CACNB2: variants seen among roughly 807,000 people sequenced by gnomAD.
CACNB2 encodes the protein calcium voltage-gated channel auxiliary subunit beta 2, also known as voltage-dependent L-type calcium channel subunit beta-2.
Under a neutral mutation model 73.3 loss-of-function variants are expected in CACNB2, and 42 were observed. The observed-to-expected ratio is 0.57, with a 90% confidence interval of 0.45 to 0.74. The LOEUF (loss-of-function observed/expected upper bound fraction) is 0.74, where lower values mean the gene tolerates loss of function less well. CACNB2 is among the 30% of genes least tolerant of loss of function. The pLI, the probability that CACNB2 is intolerant of heterozygous loss-of-function variation, is 0.00. For missense variants in CACNB2, 940 were observed against 853.0 expected, an observed-to-expected ratio of 1.10 and a Z score of -1.27; for synonymous variants, 348 against 310.3, an observed-to-expected ratio of 1.12 and a Z score of -1.28.
intron 2 of CACNB2, among the ~76,000 whole-genome samples, chr10:18,237,534 C>T (rs1388114889): frequency 6.6e-6 from 1 of 152,168 alleles, no homozygotes; most frequent in Non-Finnish European, 1.5e-5. Context: ...CATGGCCTTG[C>T]CAACACCTTG....
intron 5 of CACNB2, among the ~76,000 whole-genome samples, chr10:18,504,752 C>G (rs931535663): frequency 6.6e-6 from 1 of 152,148 alleles, no homozygotes; most frequent in Admixed American, 6.5e-5. Flanking sequence ...TCAAGCGATT[C>G]TCCTGCTTCA....
intron 2 of CACNB2, among the ~76,000 whole-genome samples, chr10:18,294,858 TC>T (rs2131796764): frequency 6.6e-6 from 1 of 152,336 alleles, no homozygotes; most frequent in South Asian, 2.1e-4. Context: ...TCCAAGACAG[TC>T]CTCAATTCCT....
At chr10:18,470,800 T>G (rs563994463) in intron 3 of CACNB2, among the ~76,000 whole-genome samples, 1 of 151,350 alleles carries the variant, frequency 6.6e-6, no homozygotes, top group Admixed American at 6.6e-5. Context: ...GTGTGGATGG[T>G]GGTGGTGTCA....
At chr10:18,514,746 C>A (rs1021718819) in intron 7 of CACNB2, among the ~76,000 whole-genome samples, 1 of 152,166 alleles carries the variant, frequency 6.6e-6, no homozygotes, top group East Asian at 1.9e-4. Flanking sequence ...TATCTACCAC[C>A]AAGGGAATTT....
chr10:18,344,329 C>T (rs2041358609), intron 2 of CACNB2, among the ~76,000 whole-genome samples: 1 of 151,182 alleles, frequency 6.6e-6, no homozygotes. Context: ...TGTGCAGTCG[C>T]AATAGAGATT....
intron 2 of CACNB2, among the ~76,000 whole-genome samples, chr10:18,390,169 G>A (rs12246139): frequency 0.013 from 1,957 of 149,356 alleles, 39 homozygotes; most frequent in African/African-American, 0.045. Context: ...TGATTGTTTC[G>A]CTGCTCAAGA....
At chr10:18,367,011 T>A (rs532409282) in intron 2 of CACNB2, among the ~76,000 whole-genome samples, 1 of 152,338 alleles carries the variant, frequency 6.6e-6, no homozygotes, top group African/African-American at 2.4e-5. Flanking sequence ...AAGGATTTCT[T>A]AGCGGACATG....
intron 2 of CACNB2, among the ~76,000 whole-genome samples, chr10:18,341,749 G>T (rs547513592): frequency 2.6e-5 from 4 of 152,106 alleles, no homozygotes; most frequent in African/African-American, 9.6e-5. Context: ...GTTTCTAATT[G>T]TTCCAACCTA....
At chr10:18,196,038 T>C (rs2034607964) in intron 2 of CACNB2, among the ~76,000 whole-genome samples, 1 of 152,212 alleles carries the variant, frequency 6.6e-6, no homozygotes, top group South Asian at 2.1e-4. Context: ...GCACTTACTA[T>C]GTCCCCAGGC....
chr10:18,497,862 G>C lies in CACNB2; in HGVS notation c.334-493G>C, dbSNP rs1006384523. On this transcript the variant is annotated intron_variant, in intron 3 of 13. Coordinates refer to ENST00000324631, the MANE Select transcript of CACNB2 (RefSeq NM_201596.3). The stretch of plus-strand genomic sequence containing the variant: ...CATAATTCGTTGCAGCCATGAATGA[G>C]AGTTGCTATAGTTGTAGCATATTTT... Among the ~76,000 whole-genome samples the C allele has an allele frequency of 2.6e-5, 4 of 152,184 alleles. No homozygotes were observed. In the East Asian group the frequency reaches 7.7e-4, roughly 29 times the overall value.
chr10:18,161,625 ATC>A (rs146929412), intron 2 of CACNB2, among the ~76,000 whole-genome samples: 2 of 134,562 alleles, frequency 1.5e-5, no homozygotes, highest in East Asian at 4.5e-4. Context: ...AACATGGCAA[ATC>A]TCTTTTTTTT....
intron 3 of CACNB2, among the ~76,000 whole-genome samples, chr10:18,464,764 GA>G (rs937945290): frequency 6.6e-6 from 1 of 152,248 alleles, no homozygotes; most frequent in African/African-American, 2.4e-5. Flanking sequence ...TTAAACTGGA[GA>G]AAATTGACAG....
chr10:18,172,993 G>T (rs925056213), intron 2 of CACNB2, among the ~76,000 whole-genome samples: 1 of 141,956 alleles, frequency 7.0e-6, no homozygotes, highest in Non-Finnish European at 1.5e-5. Flanking sequence ...CGATCTCAGC[G>T]CACTGCAACC....
intron 1 of CACNB2, 122 bp from the exon 2 acceptor site, chr10:18,150,761 C>T (rs2031444941): frequency 1.6e-6 from 1 of 631,700 alleles, no homozygotes; most frequent in Non-Finnish European, 2.7e-6. Flanking sequence ...ATGATGCTTA[C>T]ATGATGGCAA....
chr10:18,183,202 G>A (rs1372777828), intron 2 of CACNB2, among the ~76,000 whole-genome samples: 1 of 152,128 alleles, frequency 6.6e-6, no homozygotes, highest in Non-Finnish European at 1.5e-5. Flanking sequence ...TATTATATGT[G>A]AAGTGCTTAG....
chr10:18,514,567 C>G (rs1331419756), intron 7 of CACNB2, 198 bp downstream of exon 7: 2 of 1,606,576 alleles, frequency 1.2e-6, no homozygotes, highest in East Asian at 2.2e-5. Context: ...TTTATCCTGC[C>G]ACTGGCATCA....
chr10:18,357,378 G>C (rs2041965301), intron 2 of CACNB2, among the ~76,000 whole-genome samples: 1 of 152,136 alleles, frequency 6.6e-6, no homozygotes, highest in African/African-American at 2.4e-5. Context: ...TGAATAAAAA[G>C]ATTAATTTAT....
At chr10:18,190,552 T>A (rs2034350840) in intron 2 of CACNB2, among the ~76,000 whole-genome samples, 5 of 152,204 alleles carry the variant, frequency 3.3e-5, no homozygotes, top group Admixed American at 3.3e-4. Context: ...AATGAGTAAT[T>A]CCTATTCATT....
At chr10:18,234,055 C>G (rs1375088180) in intron 2 of CACNB2, 1 of 152,230 alleles carries the variant, frequency 6.6e-6, no homozygotes, top group Non-Finnish European at 1.5e-5. Flanking sequence ...CTGGGACAGG[C>G]AGGGCTGGGC....
Sources: gnomAD v4.1 joint callset for allele counts (sites outside exome capture counted in the v4.1 genomes callset) on GRCh38, gnomAD v4.1.1 for gene constraint, MANE v1.5 for transcripts, NCBI Gene and HGNC (gene_info 2026-07-23, HGNC 2026-07-21) for gene names.